CORO2B: variants seen among roughly 807,000 people sequenced by gnomAD.
CORO2B encodes the protein coronin-2B.
Under a neutral mutation model 58.8 loss-of-function variants are expected in CORO2B, and 26 were observed. The ratio of observed to expected loss-of-function variants is 0.44; its 90% CI spans 0.32 to 0.61. The LOEUF is 0.61. Ranked by LOEUF, CORO2B falls within the 20% of genes least tolerant of loss-of-function variation. The pLI is 0.04. For missense variants in CORO2B, 460 were observed against 645.1 expected (o/e 0.71, Z 3.11); for synonymous variants, 242 against 253.8 (o/e 0.95, Z 0.44).
At chr15:68,703,056 G>C (rs770044613) in intron 3 of CORO2B, among the ~76,000 whole-genome samples, 3 of 147,380 alleles carry the variant, frequency 2.0e-5, no homozygotes, top group African/African-American at 7.6e-5. Flanking sequence ...CGAACTCCTG[G>C]ACTCAAGTGA....
intron 1 of CORO2B, among the ~76,000 whole-genome samples, chr15:68,634,965 T>G (rs1010517352): frequency 2.0e-5 from 3 of 152,160 alleles, no homozygotes; most frequent in Non-Finnish European, 2.9e-5. Flanking sequence ...CTGGTGGGCT[T>G]GGTTAAAATG....
At chr15:68,653,972 C>T (rs1901724043) in intron 2 of CORO2B, among the ~76,000 whole-genome samples, 3 of 152,172 alleles carry the variant, frequency 2.0e-5, no homozygotes, top group Admixed American at 1.3e-4. Context: ...TTTCCTCAAT[C>T]GTTCTTTGTT....
the CORO2B span, among the ~76,000 whole-genome samples, chr15:68,566,650 C>T: frequency 6.6e-6 from 1 of 152,172 alleles, no homozygotes; most frequent in African/African-American, 2.4e-5. Context: ...ACAGGCCTCC[C>T]CTGTGGTTAA....
At chr15:68,529,396 A>G in the CORO2B span, among the ~76,000 whole-genome samples, 7 of 152,246 alleles carry the variant, frequency 4.6e-5, no homozygotes, top group African/African-American at 1.7e-4. Flanking sequence ...ATGAGATATC[A>G]CAACGTTCAA....
intron 2 of CORO2B, among the ~76,000 whole-genome samples, chr15:68,674,942 C>T (rs1902527434): frequency 6.6e-6 from 1 of 152,134 alleles, no homozygotes; most frequent in South Asian, 2.1e-4. Context: ...CAAGGTGGAG[C>T]ACGAAAGGAA....
At chr15:68,523,239 G>A in the CORO2B span, among the ~76,000 whole-genome samples, 1 of 151,754 alleles carries the variant, frequency 6.6e-6, no homozygotes, top group Non-Finnish European at 1.5e-5. Context: ...CACTCAGGCT[G>A]GATGGAGTGG....
intron 1 of CORO2B, among the ~76,000 whole-genome samples, chr15:68,591,060 G>C (rs1010626763): frequency 2.0e-5 from 3 of 152,242 alleles, no homozygotes; most frequent in Non-Finnish European, 4.4e-5. Flanking sequence ...GTCTCCAGGG[G>C]GATCCTGGTC....
chr15:68,559,842 A>G, the CORO2B span, among the ~76,000 whole-genome samples: 1 of 152,356 alleles, frequency 6.6e-6, no homozygotes, highest in South Asian at 2.1e-4. This position sits in a 1 kb window ranked among gnomAD's most constrained non-coding sequence, Gnocchi z 4.3. Flanking sequence ...GTCTCCCGCA[A>G]ACGCGCGCGC....
Position 68,658,563 on chromosome 15 carries a change from G to A in CORO2B, c.216+13203G>A, listed in dbSNP as rs147001580. On this transcript the variant is annotated intron_variant, in intron 2 of 11. Coordinates refer to ENST00000261861, the MANE Select transcript of CORO2B (RefSeq NM_006091.5). ...CCCACTCCCCACTTTTTCCCACCCT[G>A]ATCTATAGAATTCTGGAAAGGAAGT... Among the ~76,000 whole-genome samples, 637 of 152,316 alleles carry A rather than the reference G, an allele frequency of 4.2e-3. 2 individuals are homozygous for A. Among genetic ancestry groups the A allele is most frequent in the African/African-American group, 0.014 (599 of 41,568 alleles).
the CORO2B span, among the ~76,000 whole-genome samples, chr15:68,520,234 T>C: frequency 6.6e-6 from 1 of 152,248 alleles, no homozygotes; most frequent in Non-Finnish European, 1.5e-5. Context: ...TTGAATGCGT[T>C]TTCTATGGAT....
chr15:68,639,211 A>G (rs1901129817), intron 1 of CORO2B, among the ~76,000 whole-genome samples: 1 of 152,148 alleles, frequency 6.6e-6, no homozygotes, highest in Non-Finnish European at 1.5e-5. Context: ...TTGCCCCCCT[A>G]CCATACTGAG....
At chr15:68,534,990 T>G in the CORO2B span, among the ~76,000 whole-genome samples, 1 of 152,158 alleles carries the variant, frequency 6.6e-6, no homozygotes, top group Admixed American at 6.5e-5. Flanking sequence ...GTCCCCATGA[T>G]TCAGTTATCT....
At chr15:68,627,031 G>A (rs1356435501) in intron 1 of CORO2B, among the ~76,000 whole-genome samples, 1 of 152,264 alleles carries the variant, frequency 6.6e-6, no homozygotes, top group Non-Finnish European at 1.5e-5. Flanking sequence ...CTGCCAAGTG[G>A]GGATCCTTAG....
intron 1 of CORO2B, among the ~76,000 whole-genome samples, chr15:68,631,607 A>C (rs1301927615): frequency 6.6e-6 from 1 of 152,100 alleles, no homozygotes; most frequent in African/African-American, 2.4e-5. Context: ...CAGAGCTGAC[A>C]CCAGGGCCCA....
Position 68,651,727 on chromosome 15 carries a change from T to C in CORO2B, c.216+6367T>C, listed in dbSNP as rs536742283. Reference sequence around the variant, plus strand: ...ATATCCTCTCATTCCTTGCTTGCTTTTCTAAGAGATTTGGACCAGAAGAGA... The same window carrying C: ...ATATCCTCTCATTCCTTGCTTGCTTCTCTAAGAGATTTGGACCAGAAGAGA... On this transcript the variant is annotated intron_variant, in intron 2 of 11. Coordinates refer to ENST00000261861, the MANE Select transcript of CORO2B (RefSeq NM_006091.5). Among the ~76,000 whole-genome samples the C allele has an allele frequency of 2.6e-5, 4 of 152,284 alleles. No individual in the cohort carries two copies. The East Asian group carries it at 7.7e-4, about 29-fold the overall frequency.
At chr15:68,600,761 A>T (rs189052408) in intron 1 of CORO2B, among the ~76,000 whole-genome samples, 4 of 152,342 alleles carry the variant, frequency 2.6e-5, no homozygotes, top group Admixed American at 2.6e-4. Context: ...AAATGAAAAC[A>T]GTAAATGGGA....
chr15:68,596,240 A>C (rs1899826677), intron 1 of CORO2B, among the ~76,000 whole-genome samples: 1 of 152,070 alleles, frequency 6.6e-6, no homozygotes, highest in Admixed American at 6.5e-5. Context: ...ACATGGGTGA[A>C]TAAAACAGGA....
intron 1 of CORO2B, among the ~76,000 whole-genome samples, chr15:68,600,791 A>G (rs1225208818): frequency 6.6e-6 from 1 of 152,238 alleles, no homozygotes; most frequent in Non-Finnish European, 1.5e-5. Flanking sequence ...CCCAGCCTCC[A>G]GCTTCCTGGC....
chr15:68,558,369 C>A, the CORO2B span, among the ~76,000 whole-genome samples: 10 of 151,948 alleles, frequency 6.6e-5, no homozygotes, highest in African/African-American at 1.2e-4. Flanking sequence ...TCCCTTCCCC[C>A]TCACCATTTT....
Sources: gnomAD v4.1 joint callset for allele counts (sites outside exome capture counted in the v4.1 genomes callset) on GRCh38, gnomAD v4.1.1 for gene constraint, Gnocchi (gnomAD v3.1) non-coding constraint, MANE v1.5 for transcripts, NCBI Gene and HGNC (gene_info 2026-07-23, HGNC 2026-07-21) for gene names.